Variants in NDUFA11 observed in about 807,000 individuals in gnomAD.
NDUFA11 encodes the protein NADH:ubiquinone oxidoreductase subunit A11.
Under a neutral mutation model 11.3 loss-of-function variants are expected in NDUFA11, and 14 were observed. That is an observed-to-expected ratio of 1.24 (90% CI 0.82 to 1.94). The LOEUF (loss-of-function observed/expected upper bound fraction) is 1.94. Among genes scored for constraint, NDUFA11 ranks in the 30% most tolerant of loss-of-function variants. The pLI is 0.00. For synonymous variants in NDUFA11, 87 were observed against 85.6 expected (o/e 1.02, Z -0.09); for missense variants, 204 against 200.3 (o/e 1.02, Z -0.11).
rs1270663441 is a variant in NDUFA11 at position 5,894,842 on chromosome 19, C to A, written c.326G>T (p.Gly109Val). The change falls in exon 4 of 4, where the codon GGG becomes GTG. Residue 109 changes from glycine to valine, a missense_variant. Gly to Val is a moderately radical substitution (Grantham distance 109). Coordinates refer to ENST00000308961, the MANE Select transcript of NDUFA11 (RefSeq NM_175614.5). ...LTLGARTHNY[G>V]IGAAACVYFG... ...GTACACGCAGGCGGCGGCGCCAATC[C>A]CGTAGTTGTGCGCTGTGGGAGTGGG... is the stretch of plus-strand genomic sequence containing the variant. The A allele has an allele frequency of 6.2e-7, 1 of 1,608,620 alleles. No individual in the cohort carries two copies. The highest frequency in any genetic ancestry group is 1.3e-5 in the African/African-American group (1 of 74,792).
downstream of NDUFA11, among the ~76,000 whole-genome samples, chr19:5,893,629 G>A (rs757565770): frequency 1.3e-5 from 2 of 152,044 alleles, no homozygotes; most frequent in Non-Finnish European, 2.9e-5. The surrounding 1 kb of genome is among the most constrained non-coding windows in gnomAD (Gnocchi z 4.1). Flanking sequence ...AATTAACCAG[G>A]CATAGTGGCG....
chr19:5,899,632 A>T (rs1361905507), intron 1 of NDUFA11, among the ~76,000 whole-genome samples: 5 of 149,526 alleles, frequency 3.3e-5, no homozygotes, highest in African/African-American at 9.9e-5. Context: ...TATTATTATT[A>T]TTTTTTGTAT....
chr19:5,901,674 T>C (rs1199989952), intron 1 of NDUFA11, among the ~76,000 whole-genome samples: 1 of 151,884 alleles, frequency 6.6e-6, no homozygotes, highest in Admixed American at 6.6e-5. Flanking sequence ...GGGTTTTTTT[T>C]TTTTTTTCTT....
At chr19:5,893,287 G>A, downstream of NDUFA11, 1 of 1,191,270 alleles carries the variant, frequency 8.4e-7, no homozygotes, top group Non-Finnish European at 1.2e-6. This position sits in a 1 kb window ranked among gnomAD's most constrained non-coding sequence, Gnocchi z 4.1. Flanking sequence ...GTGAGATCCT[G>A]TCTCTACAAA....
At position 5,896,817 on chromosome 19, in the gene NDUFA11, CAG is replaced by C. The variant is rs1016089576; in HGVS notation, c.190+86_190+87del. On this transcript the variant is annotated intron_variant, in intron 2 of 3. Transcript: ENST00000308961. This position sits in a 1 kb window ranked among gnomAD's most constrained non-coding sequence, Gnocchi z 5.8. The stretch of plus-strand genomic sequence containing the variant: ...GCACTGTGGACACGGGCTGGGGAGT[CAG>C]AGAGAAGAGGCAGCCGTCAAATGTG... 9 of 1,298,906 alleles carry C rather than the reference CAG, an allele frequency of 6.9e-6. No individual in the cohort carries two copies. The African/African-American group carries it at 1.3e-4, about 19-fold the overall frequency. The allele number at this position is 1,298,906 out of a possible 1,614,324, so 80.5% of individuals were successfully genotyped here. A position where few individuals can be genotyped will look rare whatever the true frequency, so the allele number is the denominator to read the frequency against.
At chr19:5,894,640 T>C, downstream of NDUFA11, 1 of 1,546,332 alleles carries the variant, frequency 6.5e-7, no homozygotes, top group Non-Finnish European at 8.7e-7. Context: ...CACCGGCTGC[T>C]GTGTCGCCGT....
intron 1 of NDUFA11, chr19:5,901,415 C>G (rs774951236): frequency 1.6e-6 from 2 of 1,287,164 alleles, no homozygotes; most frequent in South Asian, 2.5e-5. Context: ...TCAAATGACC[C>G]TGGAGCAGTT....
At chr19:5,898,569 C>T (rs952465955) in intron 1 of NDUFA11, among the ~76,000 whole-genome samples, 9 of 152,146 alleles carry the variant, frequency 5.9e-5, no homozygotes, top group South Asian at 2.1e-4. Context: ...GATTCCTGCT[C>T]GACCTCAGAA....
At position 5,896,760 on chromosome 19, in the gene NDUFA11, T is replaced by C; in HGVS notation, c.190+145A>G. The C allele has an allele frequency of 8.5e-7, 1 of 1,175,602 alleles. No individual in the cohort carries two copies. The highest frequency in any genetic ancestry group is 2.3e-5 in the East Asian group (1 of 42,720). 72.8% of individuals were successfully genotyped at this position (1,175,602 alleles called of 1,614,324 possible). On this transcript the variant is annotated intron_variant, in intron 2 of 3. Coordinates refer to ENST00000308961, the MANE Select transcript of NDUFA11 (RefSeq NM_175614.5). The surrounding 1 kb of genome is among the most constrained non-coding windows in gnomAD (Gnocchi z 5.8). ...CTCCCCACCCTACATGTATTCCTGA[T>C]AAAGGAACACCCCACTTTCTCCGGA... is the stretch of plus-strand genomic sequence containing the variant.
chr19:5,898,888 A>G (rs926165829), intron 1 of NDUFA11, among the ~76,000 whole-genome samples: 7 of 151,320 alleles, frequency 4.6e-5, no homozygotes, highest in African/African-American at 1.5e-4. Context: ...TAAAAAAAAA[A>G]AAAAAAAAGA....
At chr19:5,903,089 T>A (rs2057656196) in intron 1 of NDUFA11, among the ~76,000 whole-genome samples, 1 of 149,660 alleles carries the variant, frequency 6.7e-6, no homozygotes, top group Non-Finnish European at 1.5e-5. Context: ...TCATAGTAGC[T>A]CCTGATCCAC....
In NDUFA11 at chr19:5,896,329, G is replaced by C; in HGVS notation, c.313+124C>G. 1 of 1,143,818 alleles carries C rather than the reference G, an allele frequency of 8.7e-7. No individual in the cohort carries two copies. 70.9% of individuals were successfully genotyped at this position (1,143,818 alleles called of 1,614,324 possible). A position where few individuals can be genotyped will look rare whatever the true frequency, so the allele number is the denominator to read the frequency against. On this transcript the variant is annotated intron_variant, in intron 3 of 3. Coordinates refer to ENST00000308961, the MANE Select transcript of NDUFA11 (RefSeq NM_175614.5). The surrounding 1 kb of genome is among the most constrained non-coding windows in gnomAD (Gnocchi z 5.8). ...AGCTGTCGCTATGACTGAAATGGCT[G>C]GTGTTCAAGAAGGCTGCTTTACTTC...
downstream of NDUFA11, among the ~76,000 whole-genome samples, chr19:5,894,178 G>A (rs1329682359): frequency 6.6e-6 from 1 of 152,244 alleles, no homozygotes; most frequent in African/African-American, 2.4e-5. Context: ...CAGGGGCTGC[G>A]AGTGACCTGC....
chr19:5,896,736 T>A lies in NDUFA11; in HGVS notation c.191-161A>T. 2 of 1,220,826 alleles carry A rather than the reference T, an allele frequency of 1.6e-6. No individual in the cohort carries two copies. Among genetic ancestry groups the A allele is most frequent in the East Asian group, 4.8e-5 (2 of 41,420 alleles). 75.6% of individuals were successfully genotyped at this position (1,220,826 alleles called of 1,614,324 possible). ...AGTCCTGGAGCTGTTCTCCTGGGCC[T>A]CCCCACCCTACATGTATTCCTGATA... On this transcript the variant is annotated intron_variant, in intron 2 of 3. Transcript: ENST00000308961. This position sits in a 1 kb window ranked among gnomAD's most constrained non-coding sequence, Gnocchi z 5.8.
At position 5,896,817 on chromosome 19, in the gene NDUFA11, C is replaced by T; in HGVS notation, c.190+88G>A. The T allele has an allele frequency of 7.7e-7, 1 of 1,299,024 alleles. No homozygotes were observed. The highest frequency in any genetic ancestry group is 1.5e-5 in the African/African-American group (1 of 68,848). The allele number at this position is 1,299,024 out of a possible 1,614,324, so 80.5% of individuals were successfully genotyped here. ...GCACTGTGGACACGGGCTGGGGAGT[C>T]AGAGAGAAGAGGCAGCCGTCAAATG... On this transcript the variant is annotated intron_variant, in intron 2 of 3. Coordinates refer to ENST00000308961, the MANE Select transcript of NDUFA11 (RefSeq NM_175614.5). This position sits in a 1 kb window ranked among gnomAD's most constrained non-coding sequence, Gnocchi z 5.8.
downstream of NDUFA11, chr19:5,892,736 G>C: frequency 1.2e-6 from 1 of 825,254 alleles, no homozygotes; most frequent in Non-Finnish European, 1.7e-6. Context: ...GCCGGCCGCA[G>C]TAGAGACAGA....
chr19:5,896,434 T>TGGGGAG lies in NDUFA11; in HGVS notation c.313+13_313+18dup. ...TGCCAGGCTGGGAGGAGGGTGGGGGTGGGGAGGGGGCCACTCACTGCGTGC... is the reference window on the plus strand; with the variant it reads ...TGCCAGGCTGGGAGGAGGGTGGGGGTGGGGAGGGGGAGGGGGCCACTCACTGCGTGC... On this transcript the variant is annotated intron_variant, in intron 3 of 3. Transcript: ENST00000308961. The surrounding 1 kb of genome is among the most constrained non-coding windows in gnomAD (Gnocchi z 5.8). The TGGGGAG allele has an allele frequency of 7.0e-6, 3 of 429,334 alleles. No individual in the cohort carries two copies. The highest frequency in any genetic ancestry group is 1.6e-5 in the South Asian group (1 of 61,316). 26.6% of individuals were successfully genotyped at this position (429,334 alleles called of 1,614,324 possible).
downstream of NDUFA11, among the ~76,000 whole-genome samples, chr19:5,893,814 G>A (rs1225110894): frequency 6.6e-6 from 1 of 152,168 alleles, no homozygotes; most frequent in Non-Finnish European, 1.5e-5. The surrounding 1 kb of genome is among the most constrained non-coding windows in gnomAD (Gnocchi z 4.1). Context: ...AAGAGATGGG[G>A]CCGGATACGG....
Position 5,896,969 on chromosome 19 carries a change from T to A in NDUFA11, c.126A>T (p.Thr42=), listed in dbSNP as rs755353847. The A allele has an allele frequency of 1.2e-6, 2 of 1,613,934 alleles. No individual in the cohort carries two copies. The highest frequency in any genetic ancestry group is 2.7e-5 in the African/African-American group (2 of 74,892). Residue 42 remains threonine (T), a synonymous_variant, in exon 2 of 4, where the codon ACA becomes ACT. Coordinates refer to ENST00000308961, the MANE Select transcript of NDUFA11 (RefSeq NM_175614.5). This position sits in a 1 kb window ranked among gnomAD's most constrained non-coding sequence, Gnocchi z 5.8. ...AGLTAAAYRV[T]LNPPGTFLEG... is the part of the protein sequence containing the mutation. ...CAAGGAAGGTGCCCGGAGGATTGAG[T>A]GTGACTCTGTAGGCAGCGGCGGTCA...
Sources: gnomAD v4.1 joint callset for allele counts (sites outside exome capture counted in the v4.1 genomes callset) on GRCh38, gnomAD v4.1.1 for gene constraint, Gnocchi (gnomAD v3.1) non-coding constraint, MANE v1.5 for transcripts, NCBI Gene and HGNC (gene_info 2026-07-23, HGNC 2026-07-21) for gene names.